The following ALLC variants were observed in gnomAD, a reference collection of about 807,000 sequenced individuals.
The protein encoded by ALLC is allantoicase, also known as probable inactive allantoicase.
In ALLC, 40 loss-of-function variants were observed where a neutral mutation model predicts 45.0. That is an observed-to-expected ratio of 0.89 (90% CI 0.69 to 1.16). The LOEUF is 1.16. Ranked by LOEUF, ALLC falls within the 50% of genes most tolerant of loss-of-function variation. The probability of loss-of-function intolerance (pLI) is 0.00; values close to 1 mark genes in which losing one functional copy is unlikely to be tolerated. For synonymous variants in ALLC, 176 were observed against 178.1 expected, an observed-to-expected ratio of 0.99 and a Z score of 0.09; for missense variants, 488 against 493.1, an observed-to-expected ratio of 0.99 and a Z score of 0.10.
the ALLC span, among the ~76,000 whole-genome samples, chr2:3,649,978 A>G: frequency 6.6e-6 from 1 of 152,258 alleles, no homozygotes; most frequent in Non-Finnish European, 1.5e-5. Context: ...ACAGCTGTTC[A>G]GCAGCGTCTA....
chr2:3,661,112 A>G (rs780923787), intron 1 of ALLC, among the ~76,000 whole-genome samples: 17 of 152,116 alleles, frequency 1.1e-4, no homozygotes, highest in Non-Finnish European at 2.4e-4. Flanking sequence ...CTCCCTGTTC[A>G]TTAGCTGAAT....
At chr2:3,660,089 G>T (rs1666533739) in intron 1 of ALLC, among the ~76,000 whole-genome samples, 1 of 152,246 alleles carries the variant, frequency 6.6e-6, no homozygotes, top group Non-Finnish European at 1.5e-5. Flanking sequence ...GTGGGGCCCA[G>T]CGGGAGGAGT....
intron 3 of ALLC, 23 bp from the exon 4 acceptor site, chr2:3,678,445 C>A: frequency 6.3e-7 from 1 of 1,594,934 alleles, no homozygotes; most frequent in Non-Finnish European, 8.6e-7. Flanking sequence ...TTAATGATCA[C>A]CTTGTTGTGG....
chr2:3,648,418 T>C, the ALLC span, among the ~76,000 whole-genome samples: 1 of 152,114 alleles, frequency 6.6e-6, no homozygotes, highest in Non-Finnish European at 1.5e-5. Flanking sequence ...GGGTGTCAGC[T>C]CTGTGCATGT....
At chr2:3,666,007 T>C (rs1486684573) in intron 1 of ALLC, among the ~76,000 whole-genome samples, 1 of 152,144 alleles carries the variant, frequency 6.6e-6, no homozygotes, top group Non-Finnish European at 1.5e-5. Context: ...GGTATATGCA[T>C]GTAAGATGGA....
chr2:3,649,477 G>A, the ALLC span, among the ~76,000 whole-genome samples: 2 of 152,114 alleles, frequency 1.3e-5, no homozygotes, highest in Non-Finnish European at 1.5e-5. Flanking sequence ...TCCTGACCTC[G>A]TGATCCACCC....
chr2:3,675,128 A>G (rs935589730), intron 3 of ALLC, among the ~76,000 whole-genome samples: 1 of 152,200 alleles, frequency 6.6e-6, no homozygotes, highest in African/African-American at 2.4e-5. Context: ...ACTGTGGCTC[A>G]CACCTGTAAT....
intron 3 of ALLC, among the ~76,000 whole-genome samples, chr2:3,675,615 T>A (rs1008551803): frequency 1.3e-5 from 2 of 151,926 alleles, no homozygotes; most frequent in African/African-American, 4.8e-5. Flanking sequence ...CACACACATA[T>A]AAACACTTAC....
At chr2:3,692,327 C>T (rs2148017365) in intron 7 of ALLC, among the ~76,000 whole-genome samples, 1 of 152,222 alleles carries the variant, frequency 6.6e-6, no homozygotes, top group South Asian at 2.1e-4. Context: ...TGTCTTGGGC[C>T]ACACATAAAA....
chr2:3,652,017 T>C, the ALLC span, among the ~76,000 whole-genome samples: 14 of 152,006 alleles, frequency 9.2e-5, no homozygotes, highest in Admixed American at 9.2e-4. Context: ...GAACCACACG[T>C]TTCTTAGTTG....
At chr2:3,668,566 CTTTTTTTTTTTTTTTT>C (rs1173613810) in intron 1 of ALLC, among the ~76,000 whole-genome samples, 2 of 71,886 alleles carry the variant, frequency 2.8e-5, no homozygotes, top group Admixed American at 3.5e-4. Flanking sequence ...ATGTGTATGA[CTTTTTTTTTTTTTTTT>C]TTTTTTTTTT....
In ALLC at chr2:3,679,874, G is replaced by T. The variant is rs374089815; in HGVS notation, c.178G>T (p.Asp60Tyr). ...TTGTCCTCTGTGTTGCGCAGGTCAC[G>T]ACTGGTGTGTCCTCAGGCTGGGGAT... ...ETRRKRIPGH[D>Y]WCVLRLGIQG... Residue 60 changes from aspartate to tyrosine, a missense_variant, in exon 5 of 12, where the codon GAC becomes TAC. Transcript: ENST00000252505. The T allele has an allele frequency of 7.1e-5, 114 of 1,613,760 alleles. 1 individual carries two copies. In the Middle Eastern group the frequency reaches 1.2e-3, roughly 16 times the overall value.
At chr2:3,665,604 G>A (rs376443605) in intron 1 of ALLC, among the ~76,000 whole-genome samples, 38 of 151,980 alleles carry the variant, frequency 2.5e-4, no homozygotes, top group African/African-American at 8.2e-4. Context: ...GAGGATAATG[G>A]CTTCCAGATC....
At chr2:3,686,162 G>A (rs930937917) in intron 7 of ALLC, among the ~76,000 whole-genome samples, 6 of 151,062 alleles carry the variant, frequency 4.0e-5, no homozygotes, top group African/African-American at 1.5e-4. Context: ...TGCATAAGGT[G>A]AGAGATAGGA....
intron 1 of ALLC, among the ~76,000 whole-genome samples, chr2:3,660,318 G>C (rs1666540712): frequency 1.3e-5 from 2 of 152,166 alleles, no homozygotes; most frequent in Admixed American, 1.3e-4. Flanking sequence ...GCATATGCTA[G>C]CGCCGTGCTT....
chr2:3,700,209 C>A (rs547268866), intron 10 of ALLC, among the ~76,000 whole-genome samples: 35 of 152,288 alleles, frequency 2.3e-4, no homozygotes, highest in Admixed American at 1.8e-3. Flanking sequence ...TTTCAATCTT[C>A]TGCATATGGC....
At chr2:3,653,155 C>T in the ALLC span, among the ~76,000 whole-genome samples, 7 of 152,204 alleles carry the variant, frequency 4.6e-5, no homozygotes, top group South Asian at 6.2e-4. The surrounding 1 kb of genome is among the most constrained non-coding windows in gnomAD (Gnocchi z 4.1). Flanking sequence ...TGGGTGCACA[C>T]GGGGCCCCCC....
chr2:3,678,440 G>T, intron 3 of ALLC, 28 bp from the exon 4 acceptor site: 1 of 1,580,596 alleles, frequency 6.3e-7, no homozygotes, highest in South Asian at 1.1e-5. Flanking sequence ...GAATGTTAAT[G>T]ATCACCTTGT....
At chr2:3,654,704 C>T (rs112804547), upstream of ALLC, among the ~76,000 whole-genome samples, 1,418 of 152,338 alleles carry the variant, frequency 9.3e-3, 25 homozygotes, top group African/African-American at 0.033. Flanking sequence ...GTGCAGGAAA[C>T]GTGACTGTCT....
Sources: allele counts gnomAD v4.1 joint callset (sites outside exome capture counted in the v4.1 genomes callset), GRCh38; gene constraint gnomAD v4.1.1; non-coding constraint Gnocchi (gnomAD v3.1); transcripts MANE v1.5; gene names NCBI Gene and HGNC (gene_info 2026-07-23, HGNC 2026-07-21).